Variants in KLHL3 observed in about 807,000 individuals in gnomAD.
KLHL3 encodes kelch like family member 3.
In KLHL3, 19 loss-of-function variants were observed where a neutral mutation model predicts 70.5. The ratio of observed to expected loss-of-function variants is 0.27; its 90% CI spans 0.19 to 0.40. KLHL3 has a LOEUF of 0.40. Ranked by LOEUF, KLHL3 falls within the 10% of genes least tolerant of loss-of-function variation. KLHL3 has a pLI of 1.00. For missense variants in KLHL3, 512 were observed against 771.1 expected (o/e 0.66, Z 3.98); for synonymous variants, 258 against 290.3 (o/e 0.89, Z 1.13).
chr5:137,639,566 C>T lies in KLHL3; in HGVS notation c.1021+294G>A, dbSNP rs1351027418. 9.9e-5 allele frequency among the ~76,000 whole-genome samples: 15 copies of T among 151,858 alleles called. No individual in the cohort carries two copies. The highest frequency in any genetic ancestry group is 2.9e-4 in the African/African-American group (12 of 41,330). On this transcript the variant is annotated intron_variant, in intron 9 of 14. Coordinates refer to ENST00000309755, the MANE Select transcript of KLHL3 (RefSeq NM_017415.3). This position sits in a 1 kb window ranked among gnomAD's most constrained non-coding sequence, Gnocchi z 5.0. ...AAAATTAGCTGGGCATGGTGGTGCA[C>T]GCCTGTAATCCCAGCTACTTGGAAG... is the stretch of plus-strand genomic sequence containing the variant.
At chr5:137,640,402 T>G (rs1750883553) in intron 8 of KLHL3, among the ~76,000 whole-genome samples, 1 of 152,170 alleles carries the variant, frequency 6.6e-6, no homozygotes, top group African/African-American at 2.4e-5. Flanking sequence ...ATGCCTAGAA[T>G]GTAGGGTGCA....
At chr5:137,734,127 T>C (rs1318100446) in intron 1 of KLHL3, among the ~76,000 whole-genome samples, 5 of 152,176 alleles carry the variant, frequency 3.3e-5, no homozygotes, top group Non-Finnish European at 5.9e-5. Context: ...CCGCTGCTGG[T>C]AGTCTCACAC....
intron 1 of KLHL3, among the ~76,000 whole-genome samples, chr5:137,724,083 T>C (rs977675274): frequency 1.3e-5 from 2 of 152,222 alleles, no homozygotes; most frequent in Admixed American, 1.3e-4. Context: ...GAATGACACA[T>C]ATATTTTCTA....
chr5:137,680,763 C>T (rs1419856147), intron 5 of KLHL3, among the ~76,000 whole-genome samples: 4 of 151,998 alleles, frequency 2.6e-5, no homozygotes, highest in Non-Finnish European at 5.9e-5. Context: ...AGGCTGGTCT[C>T]GAACTCCTGA....
At chr5:137,657,799 C>A (rs778082543) in intron 8 of KLHL3, among the ~76,000 whole-genome samples, 1 of 152,160 alleles carries the variant, frequency 6.6e-6, no homozygotes, top group Non-Finnish European at 1.5e-5. Context: ...CTAAGTGAAA[C>A]CAACATAGCC....
In KLHL3 at chr5:137,622,066, C is replaced by T. The variant is rs1191412618; in HGVS notation, c.*32G>A. 6.2e-7 allele frequency: 1 copy of T among 1,613,718 alleles called. No individual in the cohort carries two copies. The highest frequency in any genetic ancestry group is 1.1e-5 in the South Asian group (1 of 91,076). Reference sequence around the variant, plus strand: ...TCAGAGTCACAGGCAGCACCTGCTCCTTCCTCCACCTCCTGGCAGTAGGAG... The same window carrying T: ...TCAGAGTCACAGGCAGCACCTGCTCTTTCCTCCACCTCCTGGCAGTAGGAG... On this transcript the variant is annotated 3_prime_UTR_variant, in exon 15 of 15. Transcript: ENST00000309755.
chr5:137,686,799 T>C (rs1752176372), intron 5 of KLHL3, among the ~76,000 whole-genome samples: 1 of 152,256 alleles, frequency 6.6e-6, no homozygotes, highest in Non-Finnish European at 1.5e-5. Flanking sequence ...CTCTAAATAC[T>C]GCACAATCTA....
intron 6 of KLHL3, among the ~76,000 whole-genome samples, chr5:137,666,681 A>G (rs1378355154): frequency 2.0e-5 from 3 of 152,218 alleles, no homozygotes; most frequent in African/African-American, 4.8e-5. Context: ...CTACTCAGCT[A>G]TGAAAGCCAC....
At chr5:137,672,714 C>A (rs907391459) in intron 6 of KLHL3, 4 of 152,170 alleles carry the variant, frequency 2.6e-5, no homozygotes, top group Admixed American at 1.3e-4. Context: ...TTGCTAGGTC[C>A]CACAGCAATT....
Position 137,735,988 on chromosome 5 carries a change from T to G in KLHL3, c.-342A>C. The stretch of plus-strand genomic sequence containing the variant: ...GGCAGCTCCAGCGACCCAGGTGCAC[T>G]GCCACCTTTCCAGCTTCCTCTGCAT... On this transcript the variant is annotated 5_prime_UTR_variant, in exon 1 of 15. Transcript: ENST00000309755. 1 of 424,164 alleles carries G rather than the reference T, an allele frequency of 2.4e-6. No homozygotes were observed. The highest frequency in any genetic ancestry group is 4.4e-6 in the Non-Finnish European group (1 of 225,474). 26.3% of individuals were successfully genotyped at this position (424,164 alleles called of 1,614,324 possible). A position where few individuals can be genotyped will look rare whatever the true frequency, so the allele number is the denominator to read the frequency against.
At chr5:137,625,100 G>T (rs539163429) in intron 14 of KLHL3, among the ~76,000 whole-genome samples, 1 of 118,646 alleles carries the variant, frequency 8.4e-6, no homozygotes, top group African/African-American at 2.5e-5. Flanking sequence ...GTCCCATTCA[G>T]CCCAAGGGTT....
Position 137,698,419 on chromosome 5 carries a change from C to G in KLHL3, c.242-11G>C. 1 of 1,613,812 alleles carries G rather than the reference C, an allele frequency of 6.2e-7. No homozygotes were observed. The highest frequency in any genetic ancestry group is 8.5e-7 in the Non-Finnish European group (1 of 1,179,922). On this transcript the variant is annotated splice_polypyrimidine_tract_variant and intron_variant, in intron 3 of 14. Transcript: ENST00000309755. ...TCTCAGACATGTCACCTAGAGTTTA[C>G]AACAAAAACAAAATGACATAAATGT...
chr5:137,691,240 C>T (rs145200234), intron 5 of KLHL3, among the ~76,000 whole-genome samples: 6 of 152,062 alleles, frequency 3.9e-5, no homozygotes, highest in South Asian at 2.1e-4. Flanking sequence ...TATTAACTGC[C>T]CTTCTTATTA....
At chr5:137,696,920 A>G (rs1175752490) in intron 4 of KLHL3, among the ~76,000 whole-genome samples, 1 of 152,150 alleles carries the variant, frequency 6.6e-6, no homozygotes, top group Non-Finnish European at 1.5e-5. Flanking sequence ...CCTCCAAGGT[A>G]CGTGTGCCTG....
At chr5:137,662,494 A>G (rs1354868740) in intron 6 of KLHL3, among the ~76,000 whole-genome samples, 3 of 152,206 alleles carry the variant, frequency 2.0e-5, no homozygotes, top group Non-Finnish European at 4.4e-5. Flanking sequence ...AAGTTAATGT[A>G]GAATAAAAAC....
chr5:137,706,305 C>T lies in KLHL3; in HGVS notation c.241+3445G>A, dbSNP rs1005792600. On this transcript the variant is annotated intron_variant, in intron 3 of 14. Coordinates refer to ENST00000309755, the MANE Select transcript of KLHL3 (RefSeq NM_017415.3). ...GAGAGTCAGCCTCTTACTCTCAGTACACAATGCATTTTACACGTTTTGAAG... is the reference window on the plus strand; with the variant it reads ...GAGAGTCAGCCTCTTACTCTCAGTATACAATGCATTTTACACGTTTTGAAG... 21 of 985,294 alleles carry T rather than the reference C, an allele frequency of 2.1e-5. No homozygotes were observed. In the African/African-American group the frequency reaches 3.3e-4, roughly 16 times the overall value. The allele number at this position is 985,294 out of a possible 1,614,324, so 61.0% of individuals were successfully genotyped here.
chr5:137,677,529 G>T lies in KLHL3; in HGVS notation c.636+16C>A. On this transcript the variant is annotated intron_variant, in intron 6 of 14. Coordinates refer to ENST00000309755, the MANE Select transcript of KLHL3 (RefSeq NM_017415.3). ...GACGAGTGAGGTTCCCGTTTCCCCA[G>T]TGAGCCATGTCATACCTTCTCTTCT... 1 of 1,491,840 alleles carries T rather than the reference G, an allele frequency of 6.7e-7. No individual in the cohort carries two copies. Among genetic ancestry groups the T allele is most frequent in the Non-Finnish European group, 9.2e-7 (1 of 1,083,584 alleles). The allele number at this position is 1,491,840 out of a possible 1,614,324, so 92.4% of individuals were successfully genotyped here.
intron 6 of KLHL3, among the ~76,000 whole-genome samples, chr5:137,675,423 T>G (rs1357044551): frequency 6.6e-6 from 1 of 152,176 alleles, no homozygotes; most frequent in Non-Finnish European, 1.5e-5. Context: ...ATTGTGACAA[T>G]TACAATGACA....
At chr5:137,645,000 G>T (rs1751008445) in intron 8 of KLHL3, among the ~76,000 whole-genome samples, 1 of 152,086 alleles carries the variant, frequency 6.6e-6, no homozygotes, top group Admixed American at 6.5e-5. Context: ...ATGCAAGGAT[G>T]GTTCAATATA....
Sources: allele counts gnomAD v4.1 joint callset (sites outside exome capture counted in the v4.1 genomes callset), GRCh38; gene constraint gnomAD v4.1.1; non-coding constraint Gnocchi (gnomAD v3.1); transcripts MANE v1.5; gene names NCBI Gene and HGNC (gene_info 2026-07-23, HGNC 2026-07-21).